SLC15A4: variants seen among roughly 807,000 people sequenced by gnomAD.
The protein encoded by SLC15A4 is hPHT1.
Under a neutral mutation model 46.1 loss-of-function variants are expected in SLC15A4, and 26 were observed. The ratio of observed to expected loss-of-function variants is 0.56; its 90% CI spans 0.41 to 0.78. The LOEUF is 0.78. Ranked by LOEUF, SLC15A4 falls within the 30% of genes least tolerant of loss-of-function variation. The pLI is 0.00. For synonymous variants in SLC15A4, 370 were observed against 333.4 expected, an observed-to-expected ratio of 1.11 and a Z score of -1.20; for missense variants, 751 against 755.7, an observed-to-expected ratio of 0.99 and a Z score of 0.07.
intron 2 of SLC15A4, chr12:128,814,170 G>A (rs1955705411): frequency 1.3e-5 from 1 of 74,344 alleles, no homozygotes; most frequent in African/African-American, 5.7e-5. Context: ...GCACCTTCCT[G>A]TCAAGAGTTA....
chr12:128,823,863 AGCCGCCGCC>A lies in SLC15A4; in HGVS notation c.72_80del (p.Ala25_Ala27del). The A allele has an allele frequency of 9.3e-7, 1 of 1,077,652 alleles. No individual in the cohort carries two copies. The highest frequency in any genetic ancestry group is 1.1e-6 in the Non-Finnish European group (1 of 888,584). 66.8% of individuals were successfully genotyped at this position (1,077,652 alleles called of 1,614,324 possible). ...CCGCGCGCCGGCCCGCGAACGCCCC[AGCCGCCGCC>A]GCGGCCGCCGCCGCCCGCCGCGCGC... On this transcript the variant is annotated inframe_deletion, in exon 1 of 8. Transcript: ENST00000266771.
chr12:128,794,173 A>T lies in SLC15A4; in HGVS notation c.*23T>A. 1 of 1,587,520 alleles carries T rather than the reference A, an allele frequency of 6.3e-7. No individual in the cohort carries two copies. Among genetic ancestry groups the T allele is most frequent in the Non-Finnish European group, 8.6e-7 (1 of 1,164,930 alleles). ...CAGTTACTGACATGTCAGCCTCAGA[A>T]ACCGCACATGGCCTCAGGAAGGTCA... On this transcript the variant is annotated 3_prime_UTR_variant, in exon 8 of 8. Coordinates refer to ENST00000266771, the MANE Select transcript of SLC15A4 (RefSeq NM_145648.4).
intron 2 of SLC15A4, among the ~76,000 whole-genome samples, chr12:128,812,912 A>G (rs1955680542): frequency 6.6e-6 from 1 of 152,140 alleles, no homozygotes; most frequent in Non-Finnish European, 1.5e-5. Flanking sequence ...ATTTTTGCCC[A>G]AGAAGACTTT....
In SLC15A4 at chr12:128,794,188, C is replaced by T. The variant is rs1593000678; in HGVS notation, c.*8G>A. 2 of 1,606,530 alleles carry T rather than the reference C, an allele frequency of 1.2e-6. No homozygotes were observed. Among genetic ancestry groups the T allele is most frequent in the East Asian group, 4.5e-5 (2 of 44,764 alleles). Reference sequence around the variant, plus strand: ...CAGCCTCAGAAACCGCACATGGCCTCAGGAAGGTCAGGCCCTCCTGCTGGT... The same window carrying T: ...CAGCCTCAGAAACCGCACATGGCCTTAGGAAGGTCAGGCCCTCCTGCTGGT... On this transcript the variant is annotated 3_prime_UTR_variant, in exon 8 of 8. Transcript: ENST00000266771.
chr12:128,800,235 T>C (rs1482100377), intron 6 of SLC15A4, among the ~76,000 whole-genome samples: 2 of 152,192 alleles, frequency 1.3e-5, no homozygotes, highest in African/African-American at 4.8e-5. Flanking sequence ...TAAATAGAAG[T>C]CCATTCCGTT....
rs777706237 is a variant in SLC15A4, at chr12:128,794,176, C to G, written c.*20G>C. The G allele has an allele frequency of 1.9e-6, 3 of 1,588,652 alleles. No homozygotes were observed. Among genetic ancestry groups the G allele is most frequent in the Non-Finnish European group, 2.6e-6 (3 of 1,165,496 alleles). On this transcript the variant is annotated 3_prime_UTR_variant, in exon 8 of 8. Transcript: ENST00000266771. ...TTACTGACATGTCAGCCTCAGAAAC[C>G]GCACATGGCCTCAGGAAGGTCAGGC...
At position 128,809,699 on chromosome 12, in the gene SLC15A4, A is replaced by T. The variant is rs11059926; in HGVS notation, c.1012-226T>A. 0.11 allele frequency: 57,781 copies of T among 543,278 alleles called. 3,768 individuals are homozygous for T. Among genetic ancestry groups the T allele is most frequent in the Admixed American group, 0.21 (5,725 of 27,220 alleles). 33.7% of individuals were successfully genotyped at this position (543,278 alleles called of 1,614,324 possible). On this transcript the variant is annotated intron_variant, in intron 3 of 7. Transcript: ENST00000266771. Reference sequence around the variant, plus strand: ...GCCAGTTATCCAAAGGAGAAATTACATTAACAAGAGGGGCCTGAAAAACCA... The same window carrying T: ...GCCAGTTATCCAAAGGAGAAATTACTTTAACAAGAGGGGCCTGAAAAACCA...
chr12:128,804,810 C>A (rs1371218217), intron 5 of SLC15A4, among the ~76,000 whole-genome samples: 1 of 152,208 alleles, frequency 6.6e-6, no homozygotes, highest in African/African-American at 2.4e-5. Context: ...ATGCTTGGAA[C>A]TCCTTGAGAA....
rs1369055912 is a variant in SLC15A4 at position 128,808,858 on chromosome 12, G to A, written c.1188C>T (p.Gly396=). ...KLVDPILRRH[G]LLPSSLKRIA... ...TCCTCTTCAGGGAGGATGGGAGCAGGCCATGTCTTCTCAAAATGGGATCGA... is the reference window on the plus strand; with the variant it reads ...TCCTCTTCAGGGAGGATGGGAGCAGACCATGTCTTCTCAAAATGGGATCGA... The change falls in exon 5 of 8, where the codon GGC becomes GGT. Residue 396 remains glycine, a synonymous_variant. Transcript: ENST00000266771. 8 of 1,614,064 alleles carry A rather than the reference G, an allele frequency of 5.0e-6. No homozygotes were observed. The East Asian group carries it at 8.9e-5, about 18-fold the overall frequency.
intron 2 of SLC15A4, chr12:128,810,452 T>C (rs138789854): frequency 6.8e-6 from 2 of 292,180 alleles, no homozygotes; most frequent in African/African-American, 4.4e-5. Context: ...GTGGGGAGAG[T>C]CTGCAGCTCT....
chr12:128,822,682 G>A (rs1439714472), intron 1 of SLC15A4, among the ~76,000 whole-genome samples: 1 of 152,058 alleles, frequency 6.6e-6, no homozygotes, highest in Non-Finnish European at 1.5e-5. Context: ...CTCCCGACTA[G>A]CTGAGAGAAC....
chr12:128,809,774 TA>T (rs1955633076), intron 3 of SLC15A4, 168 bp downstream of exon 3: 1 of 628,368 alleles, frequency 1.6e-6, no homozygotes, highest in Non-Finnish European at 2.7e-6. Flanking sequence ...TAGACATAGT[TA>T]AAGCAGCCAA....
At chr12:128,798,447 C>T (rs1030416925) in intron 7 of SLC15A4, among the ~76,000 whole-genome samples, 4 of 152,208 alleles carry the variant, frequency 2.6e-5, no homozygotes, top group African/African-American at 9.7e-5. Context: ...CAGGCCTATA[C>T]TCATGGAAGG....
chr12:128,802,014 AC>A (rs547624168), intron 5 of SLC15A4, among the ~76,000 whole-genome samples: 195 of 152,252 alleles, frequency 1.3e-3, no homozygotes, highest in African/African-American at 4.5e-3. Context: ...CAAAGTGAAA[AC>A]ATTCTCCAGG....
In SLC15A4 at chr12:128,801,893, A is replaced by C. The variant is rs186421259; in HGVS notation, c.1259-884T>G. 2.3e-3 allele frequency among the ~76,000 whole-genome samples: 343 copies of C among 152,340 alleles called. 1 individual carries two copies. Among genetic ancestry groups the C allele is most frequent in the Admixed American group, 4.6e-3 (70 of 15,298 alleles). ...AGAGGGCAATGGAATGAAAATATTA[A>C]AAATGTTCCTTCTAAAACCTGAGCA... is the stretch of plus-strand genomic sequence containing the variant. On this transcript the variant is annotated intron_variant, in intron 5 of 7. Transcript: ENST00000266771.
intron 5 of SLC15A4, among the ~76,000 whole-genome samples, chr12:128,808,314 T>A (rs1955613532): frequency 6.6e-6 from 1 of 152,186 alleles, no homozygotes; most frequent in Non-Finnish European, 1.5e-5. Context: ...TGTAACAATC[T>A]AGAAACATTT....
Position 128,810,017 on chromosome 12 carries a change from C to G in SLC15A4, c.937G>C (p.Glu313Gln). 1 of 1,614,190 alleles carries G rather than the reference C, an allele frequency of 6.2e-7. No homozygotes were observed. Among genetic ancestry groups the G allele is most frequent in the East Asian group, 2.2e-5 (1 of 44,880 alleles). ...HGGPFTEEKV[E>Q]DVKALVKIVP... Reference sequence around the variant, plus strand: ...ATCTTGACCAGAGCTTTCACATCTTCCACTTTCTCTTCTGTAAATGGCCCA... The same window carrying G: ...ATCTTGACCAGAGCTTTCACATCTTGCACTTTCTCTTCTGTAAATGGCCCA... Residue 313 changes from glutamate (E) to glutamine (Q), a missense_variant, in exon 3 of 8, where the codon GAA (glutamate) becomes CAA (glutamine). By Grantham distance (29) the Glu-to-Gln change is conservative (BLOSUM62 2). Transcript: ENST00000266771.
At chr12:128,809,655 T>C (rs942625960) in intron 3 of SLC15A4, 182 bp from the exon 4 acceptor site, 1 of 555,962 alleles carries the variant, frequency 1.8e-6, no homozygotes, top group African/African-American at 1.9e-5. Flanking sequence ...CCTCTGGAGA[T>C]CAATTTTGAA....
chr12:128,796,340 G>T, intron 7 of SLC15A4, among the ~76,000 whole-genome samples: 1 of 143,564 alleles, frequency 7.0e-6, no homozygotes, highest in East Asian at 2.2e-4. Flanking sequence ...CCAGAGAATT[G>T]TCACTTGAAC....
Sources: gnomAD v4.1 joint callset for allele counts (sites outside exome capture counted in the v4.1 genomes callset) on GRCh38, gnomAD v4.1.1 for gene constraint, MANE v1.5 for transcripts, NCBI Gene and HGNC (gene_info 2026-07-23, HGNC 2026-07-21) for gene names.